The following TLR6 variants were observed in gnomAD, a reference collection of about 807,000 sequenced individuals.
TLR6 encodes toll like receptor 6.
A neutral mutation model predicts 16.1 loss-of-function variants in TLR6; 9 were observed. That is an observed-to-expected ratio of 0.56 (90% CI 0.34 to 0.98). TLR6 has a LOEUF of 0.98. TLR6 is among the 50% of genes least tolerant of loss of function. The pLI, the probability that TLR6 is intolerant of heterozygous loss-of-function variation, is 0.02. For synonymous variants in TLR6, 340 were observed against 338.6 expected (o/e 1.00, Z -0.04); for missense variants, 786 against 921.0 (o/e 0.85, Z 1.90).
At chr4:38,858,904 A>AGAG (rs1713132164), upstream of TLR6, among the ~76,000 whole-genome samples, 2 of 148,562 alleles carry the variant, frequency 1.3e-5, no homozygotes, top group South Asian at 2.1e-4. Flanking sequence ...AGAAAGAAAG[A>AGAG]AAAGAAAGAA....
chr4:38,855,105 G>T (rs1022308191), intron 1 of TLR6, among the ~76,000 whole-genome samples: 2 of 151,948 alleles, frequency 1.3e-5, no homozygotes, highest in African/African-American at 4.8e-5. Context: ...CCAGCTACTC[G>T]GGAGGCTGAG....
upstream of TLR6, among the ~76,000 whole-genome samples, chr4:38,859,087 G>A (rs73236643): frequency 1.3e-5 from 2 of 152,052 alleles, no homozygotes; most frequent in Non-Finnish European, 2.9e-5. Context: ...GCGCAGCTGG[G>A]TAATCGTTCC....
At position 38,827,699 on chromosome 4, in the gene TLR6, C is replaced by A. The variant is rs75244616; in HGVS notation, c.1775G>T (p.Gly592Val). The A allele has an allele frequency of 2.9e-3, 4,625 of 1,613,936 alleles. 97 individuals carry two copies. In the East Asian group the frequency reaches 0.042, roughly 15 times the overall value. Residue 592 changes from glycine to valine, a missense_variant, in exon 2 of 2, where the codon GGT (glycine) becomes GTT (valine). By Grantham distance (109) the Gly-to-Val change is moderately radical. Coordinates refer to ENST00000436693, the Ensembl canonical transcript of TLR6. ...CACAGCCAACACCAGCATGGTGGCACCGATGGTGACGATCAGCAGAGTTAT... is the reference window on the plus strand; with the variant it reads ...CACAGCCAACACCAGCATGGTGGCAACGATGGTGACGATCAGCAGAGTTAT...
At chr4:38,862,930 TA>T in the TLR6 span, among the ~76,000 whole-genome samples, 16,496 of 82,904 alleles carry the variant, frequency 0.2, 1,334 homozygotes, top group Non-Finnish European at 0.22. Flanking sequence ...TTCTCCCATC[TA>T]AAAAAAAAAA....
intron 1 of TLR6, among the ~76,000 whole-genome samples, chr4:38,837,739 G>A (rs574020804): frequency 2.0e-5 from 3 of 152,244 alleles, no homozygotes; most frequent in South Asian, 2.1e-4. Context: ...AATATGAATA[G>A]ACAAATGGGA....
chr4:38,867,970 G>T, the TLR6 span: 1 of 352,926 alleles, frequency 2.8e-6, no homozygotes, highest in South Asian at 2.1e-5. Context: ...CTCTGCGTTA[G>T]TGAGAAGCAG....
At chr4:38,848,254 A>G (rs918364444) in intron 1 of TLR6, among the ~76,000 whole-genome samples, 8 of 152,242 alleles carry the variant, frequency 5.3e-5, no homozygotes, top group African/African-American at 1.9e-4. Flanking sequence ...AACAAACAGA[A>G]AGGACATCCA....
chr4:38,850,765 G>T (rs1378588384), intron 1 of TLR6, among the ~76,000 whole-genome samples: 2 of 152,116 alleles, frequency 1.3e-5, no homozygotes, highest in African/African-American at 4.8e-5. Context: ...AAAAGTCCAG[G>T]ACCAGACGGA....
chr4:38,841,851 T>G (rs1197786088), intron 1 of TLR6, among the ~76,000 whole-genome samples: 2 of 152,220 alleles, frequency 1.3e-5, no homozygotes, highest in African/African-American at 4.8e-5. Flanking sequence ...CATATCTGAG[T>G]GTTCATGCTT....
At chr4:38,852,234 A>G (rs1232857237) in intron 1 of TLR6, among the ~76,000 whole-genome samples, 16 of 152,222 alleles carry the variant, frequency 1.1e-4, no homozygotes, top group Non-Finnish European at 5.9e-5. Flanking sequence ...TTAATTCAAG[A>G]TGGATTAAAG....
intron 1 of TLR6, among the ~76,000 whole-genome samples, chr4:38,842,332 A>G (rs1179596738): frequency 6.6e-6 from 1 of 152,234 alleles, no homozygotes; most frequent in Admixed American, 6.5e-5. Context: ...CTCCACCTTC[A>G]TGAATTGGAC....
chr4:38,859,565 CT>C (rs372944785), upstream of TLR6, among the ~76,000 whole-genome samples: 165 of 122,072 alleles, frequency 1.4e-3, no homozygotes, highest in Non-Finnish European at 1.6e-3. Context: ...GATTATTGGC[CT>C]TTTTTTTTTT....
chr4:38,846,654 G>A (rs796097092), intron 1 of TLR6, among the ~76,000 whole-genome samples: 1 of 152,166 alleles, frequency 6.6e-6, no homozygotes. Flanking sequence ...GCAAAGAAAA[G>A]TAGTAAAATT....
rs182955817 is a variant in TLR6, at chr4:38,852,887, A to T, written c.-65+3874T>A. ...CCAGCTATCCCATTACTGGGTATATACCCAAAGGATTATAAATCATGCTGC... is the reference window on the plus strand; with the variant it reads ...CCAGCTATCCCATTACTGGGTATATTCCCAAAGGATTATAAATCATGCTGC... On this transcript the variant is annotated intron_variant, in intron 1 of 1. Transcript: ENST00000436693. Among the ~76,000 whole-genome samples the T allele has an allele frequency of 3.9e-3, 597 of 152,354 alleles. 6 individuals carry two copies. Among genetic ancestry groups the T allele is most frequent in the African/African-American group, 0.014 (565 of 41,576 alleles).
chr4:38,829,023 A>T, exon 2 of TLR6: 2 of 1,614,188 alleles, frequency 1.2e-6, no homozygotes, highest in Non-Finnish European at 1.7e-6. Flanking sequence ...CTCAATCCCA[A>T]GAAATTCAGT....
upstream of TLR6, among the ~76,000 whole-genome samples, chr4:38,860,923 C>T (rs1320967107): frequency 2.6e-5 from 4 of 152,018 alleles, no homozygotes. Flanking sequence ...TGGGAGGGGC[C>T]GGGCATACGT....
intron 1 of TLR6, among the ~76,000 whole-genome samples, chr4:38,831,306 A>AAT (rs397802716): frequency 7.3e-6 from 1 of 137,716 alleles, no homozygotes; most frequent in East Asian, 2.6e-4. Context: ...AAAAAAAAAA[A>AAT]GAAGAAGAAG....
chr4:38,851,891 T>C (rs1712788251), intron 1 of TLR6, among the ~76,000 whole-genome samples: 1 of 152,204 alleles, frequency 6.6e-6, no homozygotes, highest in Non-Finnish European at 1.5e-5. Context: ...TTAAAGTTCA[T>C]ATGGGGTCAA....
chr4:38,849,081 C>T lies in TLR6; in HGVS notation c.-65+7680G>A, dbSNP rs552729654. 7.3e-4 allele frequency among the ~76,000 whole-genome samples: 109 copies of T among 150,080 alleles called. 5 individuals carry two copies. In the South Asian group the frequency reaches 0.021, roughly 29 times the overall value. ...CCCATCAGACTAACAGCTGATCTCT[C>T]GGCAGAAACTCTACAAGCCAGAAGA... On this transcript the variant is annotated intron_variant, in intron 1 of 1. Transcript: ENST00000436693.
Sources: gnomAD v4.1 joint callset for allele counts (sites outside exome capture counted in the v4.1 genomes callset) on GRCh38, gnomAD v4.1.1 for gene constraint, MANE v1.5 for transcripts, NCBI Gene and HGNC (gene_info 2026-07-23, HGNC 2026-07-21) for gene names.